The following CDH12 variants were observed in gnomAD, a reference collection of about 807,000 sequenced individuals.
CDH12 encodes the protein cadherin 12, also known as cadherin-12.
Under a neutral mutation model 74.1 loss-of-function variants are expected in CDH12, and 41 were observed. That is an observed-to-expected ratio of 0.55 (90% CI 0.43 to 0.72). The LOEUF (loss-of-function observed/expected upper bound fraction) is 0.72. Among genes scored for constraint, CDH12 ranks in the 30% least tolerant of loss-of-function variants. CDH12 has a pLI of 0.00. For synonymous variants in CDH12, 399 were observed against 355.0 expected (o/e 1.12, Z -1.39); for missense variants, 945 against 977.2 (o/e 0.97, Z 0.44).
chr5:22,075,252 T>C (rs540108718), intron 5 of CDH12, among the ~76,000 whole-genome samples: 127 of 139,964 alleles, frequency 9.1e-4, no homozygotes, highest in Non-Finnish European at 1.3e-3. Flanking sequence ...TAGGTGGGAA[T>C]TGAACAATGA....
At chr5:21,866,281 C>T (rs1463106565) in intron 6 of CDH12, among the ~76,000 whole-genome samples, 2 of 152,088 alleles carry the variant, frequency 1.3e-5, no homozygotes, top group East Asian at 1.9e-4. Flanking sequence ...AATGTGGAAG[C>T]GACTTTGGAA....
intron 5 of CDH12, among the ~76,000 whole-genome samples, chr5:22,058,643 G>T (rs1740927395): frequency 6.9e-6 from 1 of 144,638 alleles, no homozygotes; most frequent in Non-Finnish European, 1.5e-5. Context: ...CCTTTTTAAT[G>T]TACAAAGAAG....
At chr5:22,127,001 G>T (rs185254912) in intron 4 of CDH12, among the ~76,000 whole-genome samples, 54 of 152,164 alleles carry the variant, frequency 3.5e-4, no homozygotes, top group African/African-American at 1.3e-3. Flanking sequence ...GTTAAAAGAG[G>T]GACTTCTGGC....
chr5:22,092,779 C>G (rs1234274453), intron 4 of CDH12, among the ~76,000 whole-genome samples: 2 of 152,004 alleles, frequency 1.3e-5, no homozygotes, highest in East Asian at 3.9e-4. Flanking sequence ...AAAGACTCAT[C>G]CACACAAAAA....
At chr5:21,782,470 T>C (rs866844214) in intron 11 of CDH12, among the ~76,000 whole-genome samples, 1 of 152,182 alleles carries the variant, frequency 6.6e-6, no homozygotes, top group Non-Finnish European at 1.5e-5. Context: ...TCAAAACCCT[T>C]CAGCAGAAAT....
chr5:22,263,981 AAAAC>A (rs1450711107), intron 3 of CDH12, among the ~76,000 whole-genome samples: 1 of 152,008 alleles, frequency 6.6e-6, no homozygotes, highest in Non-Finnish European at 1.5e-5. Context: ...TTCTTTTTTT[AAAAC>A]ATACTTCCCT....
intron 1 of CDH12, among the ~76,000 whole-genome samples, chr5:22,762,853 C>G (rs1263646744): frequency 6.6e-6 from 1 of 152,124 alleles, no homozygotes; most frequent in East Asian, 1.9e-4. Flanking sequence ...GTTATCACAA[C>G]TTGCTTCAAG....
intron 3 of CDH12, among the ~76,000 whole-genome samples, chr5:22,394,597 T>C (rs1742380817): frequency 6.6e-6 from 1 of 152,120 alleles, no homozygotes; most frequent in Non-Finnish European, 1.5e-5. Flanking sequence ...GATTAATTAC[T>C]CTGAGACCCT....
At chr5:22,752,014 G>C (rs1309573352) in intron 1 of CDH12, among the ~76,000 whole-genome samples, 1 of 152,058 alleles carries the variant, frequency 6.6e-6, no homozygotes, top group Admixed American at 6.5e-5. Context: ...CACAGATGCC[G>C]TATAGTTTAA....
At chr5:22,199,549 C>T (rs541009082) in intron 4 of CDH12, among the ~76,000 whole-genome samples, 49 of 152,282 alleles carry the variant, frequency 3.2e-4, no homozygotes, top group Middle Eastern at 3.4e-3. Context: ...GGGCTGAGTT[C>T]CTCTTTTCAT....
chr5:22,451,947 C>A (rs1745060669), intron 2 of CDH12, among the ~76,000 whole-genome samples: 2 of 151,736 alleles, frequency 1.3e-5, no homozygotes, highest in African/African-American at 4.8e-5. Flanking sequence ...ACTATCTGAA[C>A]AAGTAATCAA....
At chr5:22,242,362 T>G (rs1438233014) in intron 3 of CDH12, among the ~76,000 whole-genome samples, 3 of 152,178 alleles carry the variant, frequency 2.0e-5, no homozygotes, top group South Asian at 2.1e-4. Flanking sequence ...ATATTTTTCG[T>G]TTTTTTCATT....
intron 5 of CDH12, among the ~76,000 whole-genome samples, chr5:21,996,222 A>C (rs1736293059): frequency 6.7e-6 from 1 of 149,566 alleles, no homozygotes; most frequent in African/African-American, 2.4e-5. Flanking sequence ...AGAGCTTTGC[A>C]CATTCCTTGT....
intron 1 of CDH12, among the ~76,000 whole-genome samples, chr5:22,514,628 T>C (rs775635316): frequency 2.6e-5 from 4 of 152,240 alleles, no homozygotes; most frequent in African/African-American, 4.8e-5. Flanking sequence ...CAGGCTCTTA[T>C]CTGAGTTTGA....
intron 4 of CDH12, among the ~76,000 whole-genome samples, chr5:22,164,580 G>A (rs1297478374): frequency 6.6e-6 from 1 of 151,970 alleles, no homozygotes; most frequent in East Asian, 1.9e-4. Flanking sequence ...TTAATAGAGT[G>A]AAATAGAGTG....
At chr5:21,777,496 G>A (rs972280528) in intron 11 of CDH12, among the ~76,000 whole-genome samples, 5 of 150,976 alleles carry the variant, frequency 3.3e-5, no homozygotes, top group Non-Finnish European at 7.4e-5. Flanking sequence ...CTATGCAATG[G>A]AAATTACTTT....
At chr5:22,579,917 C>G (rs1739995443) in intron 1 of CDH12, among the ~76,000 whole-genome samples, 1 of 152,140 alleles carries the variant, frequency 6.6e-6, no homozygotes, top group African/African-American at 2.4e-5. Context: ...AGAGGCTGAC[C>G]TTATGCATTG....
At chr5:22,848,340 C>A (rs1479215361) in intron 1 of CDH12, among the ~76,000 whole-genome samples, 1 of 152,092 alleles carries the variant, frequency 6.6e-6, no homozygotes, top group Non-Finnish European at 1.5e-5. Context: ...GATACTATTG[C>A]TGCTTTTTAG....
chr5:22,032,105 TATATA>T (rs1198350237), intron 5 of CDH12, among the ~76,000 whole-genome samples: 1 of 151,594 alleles, frequency 6.6e-6, no homozygotes, highest in Admixed American at 6.6e-5. Context: ...ATAGAAATAT[TATATA>T]ATATATATTT....
Sources: allele counts gnomAD v4.1 joint callset (sites outside exome capture counted in the v4.1 genomes callset), GRCh38; gene constraint gnomAD v4.1.1; transcripts MANE v1.5; gene names NCBI Gene and HGNC (gene_info 2026-07-23, HGNC 2026-07-21).